The following SSU72 variants were observed in gnomAD, a reference collection of about 807,000 sequenced individuals.
The protein encoded by SSU72 is SSU72 homolog, RNA polymerase II CTD phosphatase, also known as RNA polymerase II subunit A C-terminal domain phosphatase SSU72.
Under a neutral mutation model 22.7 loss-of-function variants are expected in SSU72, and 12 were observed. That is an observed-to-expected ratio of 0.53 (90% CI 0.34 to 0.86). The LOEUF (loss-of-function observed/expected upper bound fraction) is 0.86, where lower values mean the gene tolerates loss of function less well. Among genes scored for constraint, SSU72 ranks in the 40% least tolerant of loss-of-function variants. SSU72 has a pLI of 0.02. For missense variants in SSU72, 151 were observed against 249.8 expected (o/e 0.60, Z 2.67); for synonymous variants, 116 against 98.3 (o/e 1.18, Z -1.06).
At chr1:1,563,537 CAAAAAAAAAAAA>C (rs59029136) in intron 2 of SSU72, 1 of 64,866 alleles carries the variant, frequency 1.5e-5, no homozygotes. Flanking sequence ...GACTCCATCT[CAAAAAAAAAAAA>C]AAAAAAAAAT....
intron 2 of SSU72, among the ~76,000 whole-genome samples, chr1:1,546,860 C>CAAAAAAA (rs1169308811): frequency 2.7e-5 from 2 of 75,144 alleles, no homozygotes; most frequent in Non-Finnish European, 5.4e-5. Context: ...ACAACAACAA[C>CAAAAAAA]AAAAAAAAAA....
intron 2 of SSU72, among the ~76,000 whole-genome samples, chr1:1,551,855 C>T (rs1015765240): frequency 3.3e-5 from 5 of 152,224 alleles, no homozygotes; most frequent in African/African-American, 4.8e-5. Flanking sequence ...AGGGCCACGC[C>T]GGGCCACCAC....
chr1:1,563,330 A>C (rs1182807855), intron 2 of SSU72: 1 of 150,410 alleles, frequency 6.6e-6, no homozygotes, highest in Non-Finnish European at 1.5e-5. Flanking sequence ...TCAAGAGTTC[A>C]AGACCAGTTT....
chr1:1,560,397 C>T (rs925304549), intron 2 of SSU72, among the ~76,000 whole-genome samples: 4 of 152,216 alleles, frequency 2.6e-5, no homozygotes, highest in African/African-American at 7.2e-5. Flanking sequence ...CCTCCTGCCT[C>T]GGTCTCCCCA....
chr1:1,564,800 T>A lies in SSU72; in HGVS notation c.197A>T (p.Asn66Ile). Reference protein sequence around the residue: ...DFKTTYDQMYNDLLRKDKELY... With the variant: ...DFKTTYDQMYIDLLRKDKELY... ...TTCTTTGTCTTTCCTAAGAAGATCA[T>A]TGTACATCTGGTCATATGTGGTTTT... Residue 66 changes from asparagine (N) to isoleucine (I), a missense_variant, in exon 2 of 5, where the codon AAT becomes ATT. Transcript: ENST00000291386. 6.2e-7 allele frequency: 1 copy of A among 1,614,184 alleles called. No homozygotes were observed. Among genetic ancestry groups the A allele is most frequent in the Non-Finnish European group, 8.5e-7 (1 of 1,180,048 alleles).
intron 1 of SSU72, 97 bp downstream of exon 1, chr1:1,574,381 C>T (rs1403724356): frequency 2.2e-6 from 3 of 1,351,978 alleles, no homozygotes; most frequent in African/African-American, 1.5e-5. Context: ...GGCCCGGCTT[C>T]CTCTCAGGGG....
chr1:1,543,946 C>T lies in SSU72; in HGVS notation c.406G>A (p.Val136Met). 2 of 1,614,088 alleles carry T rather than the reference C, an allele frequency of 1.2e-6. No individual in the cohort carries two copies. The highest frequency in any genetic ancestry group is 1.7e-6 in the Non-Finnish European group (2 of 1,179,982). ...REQETCQPVH[V>M]VNVDIQDNHE... ...TTGTCCTGGATGTCCACATTGACCA[C>T]GTGCACAGGCTGGCAGGTCTCCTGT... Residue 136 changes from valine (V) to methionine (M), a missense_variant, in exon 4 of 5, where the codon GTG (valine) becomes ATG (methionine). Transcript: ENST00000291386.
Position 1,572,085 on chromosome 1 carries a change from G to A in SSU72, c.80+2393C>T, listed in dbSNP as rs377753647. On this transcript the variant is annotated intron_variant, in intron 1 of 4. Coordinates refer to ENST00000291386, the MANE Select transcript of SSU72 (RefSeq NM_014188.3). The stretch of plus-strand genomic sequence containing the variant: ...GCTGGGATTACAGGCGTGAGCCACC[G>A]CGCCCAGCCCTAAATAGAATTTTTA... Among the ~76,000 whole-genome samples the A allele has an allele frequency of 8.7e-5, 13 of 149,992 alleles. No individual in the cohort carries two copies. In the East Asian group the frequency reaches 2.6e-3, roughly 30 times the overall value.
At chr1:1,548,955 T>C (rs1275191348) in intron 2 of SSU72, among the ~76,000 whole-genome samples, 1 of 152,176 alleles carries the variant, frequency 6.6e-6, no homozygotes, top group Non-Finnish European at 1.5e-5. Context: ...CATGGCCTCC[T>C]GAGTCTGGGG....
intron 1 of SSU72, among the ~76,000 whole-genome samples, chr1:1,567,149 T>C (rs1265473828): frequency 6.6e-6 from 1 of 152,156 alleles, no homozygotes; most frequent in Non-Finnish European, 1.5e-5. Flanking sequence ...GGACAGGCCA[T>C]GCGGCTCCAC....
At chr1:1,544,324 G>A (rs540889834) in intron 3 of SSU72, among the ~76,000 whole-genome samples, 6 of 152,240 alleles carry the variant, frequency 3.9e-5, no homozygotes, top group East Asian at 1.9e-4. Context: ...GGGTCCATCC[G>A]CTTGAAAAAT....
intron 2 of SSU72, among the ~76,000 whole-genome samples, chr1:1,551,717 C>T (rs974219766): frequency 6.6e-6 from 1 of 152,254 alleles, no homozygotes; most frequent in Admixed American, 6.5e-5. Context: ...CCCAAATCCA[C>T]GTGGGACACA....
At chr1:1,566,784 G>A (rs1361316391) in intron 1 of SSU72, among the ~76,000 whole-genome samples, 1 of 151,966 alleles carries the variant, frequency 6.6e-6, no homozygotes, top group African/African-American at 2.4e-5. Flanking sequence ...AATCCGGGAG[G>A]CAGAGGTTGC....
intron 1 of SSU72, 67 bp downstream of exon 1, chr1:1,574,411 G>A: frequency 1.3e-6 from 2 of 1,506,506 alleles, no homozygotes; most frequent in East Asian, 2.7e-5. Flanking sequence ...GGGCCAGGGG[G>A]AACCGGGGAG....
Position 1,546,895 on chromosome 1 carries a change from G to A in SSU72, c.225-1893C>T, listed in dbSNP as rs1380584630. On this transcript the variant is annotated intron_variant, in intron 2 of 4. Coordinates refer to ENST00000291386, the MANE Select transcript of SSU72 (RefSeq NM_014188.3). The stretch of plus-strand genomic sequence containing the variant: ...AAAAAAAAAAAAAAAGGCCGGGCGC[G>A]GTGGCTCACACCTGTAATCCCAGCT... Among the ~76,000 whole-genome samples the A allele has an allele frequency of 1.0e-4, 15 of 148,312 alleles. 1 individual carries two copies. Among genetic ancestry groups the A allele is most frequent in the East Asian group, 6.1e-4 (3 of 4,886 alleles).
At chr1:1,547,088 T>C (rs1465312462) in intron 2 of SSU72, among the ~76,000 whole-genome samples, 1 of 152,090 alleles carries the variant, frequency 6.6e-6, no homozygotes, top group Admixed American at 6.6e-5. Flanking sequence ...TGCAGCCACA[T>C]GCAGAGGGGC....
intron 1 of SSU72, among the ~76,000 whole-genome samples, chr1:1,567,024 AC>A (rs1291277042): frequency 2.0e-5 from 3 of 151,974 alleles, no homozygotes; most frequent in Non-Finnish European, 4.4e-5. Context: ...GCTTCTAGAA[AC>A]CCGCCCTACG....
chr1:1,547,657 G>T (rs911034855), intron 2 of SSU72, among the ~76,000 whole-genome samples: 1 of 152,238 alleles, frequency 6.6e-6, no homozygotes, highest in South Asian at 2.1e-4. Context: ...CGAGGCAAAG[G>T]CTCAGAGCAA....
chr1:1,555,630 C>G (rs554586157), intron 2 of SSU72, among the ~76,000 whole-genome samples: 12 of 152,212 alleles, frequency 7.9e-5, no homozygotes, highest in Admixed American at 3.3e-4. Context: ...TCTGGGCTCC[C>G]GGGATGGACT....
Sources: gnomAD v4.1 joint callset for allele counts (sites outside exome capture counted in the v4.1 genomes callset) on GRCh38, gnomAD v4.1.1 for gene constraint, MANE v1.5 for transcripts, NCBI Gene and HGNC (gene_info 2026-07-23, HGNC 2026-07-21) for gene names.